The following MPHOSPH9 variants were observed in gnomAD, a reference collection of about 807,000 sequenced individuals.
The protein encoded by MPHOSPH9 is M-phase phosphoprotein 9.
A neutral mutation model predicts 145.5 loss-of-function variants in MPHOSPH9; 88 were observed. That is an observed-to-expected ratio of 0.60 (90% CI 0.51 to 0.72). The LOEUF is 0.72. MPHOSPH9 is among the 30% of genes least tolerant of loss of function. The probability of loss-of-function intolerance (pLI) is 0.00; values close to 1 mark genes in which losing one functional copy is unlikely to be tolerated. For missense variants in MPHOSPH9, 1,238 were observed against 1,386.6 expected, an observed-to-expected ratio of 0.89 and a Z score of 1.70; for synonymous variants, 435 against 486.2, an observed-to-expected ratio of 0.89 and a Z score of 1.39.
rs1190251721 is a variant in MPHOSPH9 at position 123,202,660 on chromosome 12, G to T, written c.1745C>A (p.Ser582Ter). The T allele has an allele frequency of 6.2e-7, 1 of 1,614,024 alleles. No individual in the cohort carries two copies. Among genetic ancestry groups the T allele is most frequent in the South Asian group, 1.1e-5 (1 of 91,070 alleles). The change falls in exon 10 of 24, where the codon TCA (serine) becomes TAA (stop). Residue 582 changes from serine to a stop codon, truncating the protein, a stop_gained. Transcript: ENST00000606320. LOFTEE classifies it high-confidence loss of function. Reference protein sequence around the residue: ...GTANSVPECISLTSLEDPVIL... With the variant: ...GTANSVPECI ...CACAGGATCTTCCAAGGAAGTCAAT[G>T]AAATGCATTCTGGGACACTGTTGGC...
intron 5 of MPHOSPH9, among the ~76,000 whole-genome samples, chr12:123,221,009 T>C (rs890337516): frequency 1.3e-5 from 2 of 152,136 alleles, no homozygotes. Flanking sequence ...GAGCCGAGAT[T>C]GCGCCACTGC....
chr12:123,201,081 A>G (rs572540664), intron 11 of MPHOSPH9, among the ~76,000 whole-genome samples: 35 of 152,264 alleles, frequency 2.3e-4, no homozygotes, highest in Non-Finnish European at 4.4e-4. Flanking sequence ...CTCTTTTTCA[A>G]ATTACTTTTC....
intron 8 of MPHOSPH9, among the ~76,000 whole-genome samples, chr12:123,206,829 G>A (rs1369334271): frequency 4.0e-5 from 6 of 151,714 alleles, no homozygotes; most frequent in Admixed American, 6.6e-5. Context: ...CAGGAGAATC[G>A]CTTGAACCCA....
At chr12:123,167,257 A>C (rs527755886) in intron 16 of MPHOSPH9, among the ~76,000 whole-genome samples, 3 of 152,312 alleles carry the variant, frequency 2.0e-5, no homozygotes, top group Non-Finnish European at 4.4e-5. Context: ...GGCTGCTGAG[A>C]CTGAAGAACC....
At chr12:123,181,528 G>A (rs10846476) in intron 13 of MPHOSPH9, among the ~76,000 whole-genome samples, 7,231 of 151,674 alleles carry the variant, frequency 0.048, 203 homozygotes, top group South Asian at 0.12. Flanking sequence ...GGAACAGAGC[G>A]AGACCTCGTC....
chr12:123,223,516 A>G (rs1626899), intron 3 of MPHOSPH9, among the ~76,000 whole-genome samples: 97,681 of 152,028 alleles, frequency 0.64, 35,866 homozygotes, highest in East Asian at 1. Flanking sequence ...TCCTTTGCTG[A>G]CTACGCACCT....
rs373022320 is a variant in MPHOSPH9, at chr12:123,221,727, T to A, written c.517A>T (p.Thr173Ser). 21 of 1,614,030 alleles carry A rather than the reference T, an allele frequency of 1.3e-5. No homozygotes were observed. The African/African-American group carries it at 2.8e-4, about 22-fold the overall frequency. Residue 173 changes from threonine to serine, a missense_variant, in exon 5 of 24, where the codon ACA becomes TCA. Thr to Ser is a moderately conservative substitution (Grantham distance 58). Coordinates refer to ENST00000606320, the MANE Select transcript of MPHOSPH9 (RefSeq NM_022782.4). ...NESVIHYPES[T>S]EPEIQQEMST... is the part of the protein sequence containing the mutation. The stretch of plus-strand genomic sequence containing the variant: ...ATTTCTTGCTGTATTTCAGGTTCTG[T>A]GGATTCAGGATAATGGATAACAGAT...
intron 1 of MPHOSPH9, among the ~76,000 whole-genome samples, chr12:123,239,163 G>A (rs1247837384): frequency 2.0e-5 from 3 of 152,136 alleles, no homozygotes; most frequent in Non-Finnish European, 2.9e-5. Context: ...CAACTACTCA[G>A]GAGGCTGCGG....
intron 18 of MPHOSPH9, 122 bp from the exon 19 acceptor site, chr12:123,164,212 C>T: frequency 9.4e-7 from 1 of 1,067,780 alleles, no homozygotes; most frequent in Non-Finnish European, 1.4e-6. Context: ...AGCTTAGGTT[C>T]TGCTCAAAGC....
chr12:123,203,079 C>A lies in MPHOSPH9; in HGVS notation c.1326G>T (p.Leu442=), dbSNP rs769421167. ...TCATGTGTAACGTAGGATCTAGAGTCAGGACCTGGAAACCAGACAACAACG... is the reference window on the plus strand; with the variant it reads ...TCATGTGTAACGTAGGATCTAGAGTAAGGACCTGGAAACCAGACAACAACG... ...ASNPNHPPEV[L]TLDPTLHMKP... The change falls in exon 10 of 24, where the codon CTG becomes CTT. Residue 442 remains leucine, a synonymous_variant. Coordinates refer to ENST00000606320, the MANE Select transcript of MPHOSPH9 (RefSeq NM_022782.4). The A allele has an allele frequency of 7.5e-6, 12 of 1,609,666 alleles. No individual in the cohort carries two copies. In the Admixed American group the frequency reaches 1.5e-4, roughly 20 times the overall value.
intron 15 of MPHOSPH9, 100 bp from the exon 16 acceptor site, chr12:123,176,889 G>C: frequency 1.1e-6 from 1 of 912,434 alleles, no homozygotes; most frequent in East Asian, 2.6e-5. Flanking sequence ...AAAATGGGTG[G>C]TAAAAGAGTT....
Position 123,227,738 on chromosome 12 carries a change from C to G in MPHOSPH9, c.105-122G>C, listed in dbSNP as rs916292594. 5 of 783,750 alleles carry G rather than the reference C, an allele frequency of 6.4e-6. No individual in the cohort carries two copies. The African/African-American group carries it at 8.9e-5, about 14-fold the overall frequency. The allele number at this position is 783,750 out of a possible 1,614,324, so 48.5% of individuals were successfully genotyped here. On this transcript the variant is annotated intron_variant, in intron 2 of 23. Transcript: ENST00000606320. Reference sequence around the variant, plus strand: ...TGACATTTAATCCTTCTAATGGCACCTCATTTGTTCAAAATCTGATCACAA... The same window carrying G: ...TGACATTTAATCCTTCTAATGGCACGTCATTTGTTCAAAATCTGATCACAA...
chr12:123,243,661 C>T (rs1381128907), intron 1 of MPHOSPH9, among the ~76,000 whole-genome samples: 2 of 151,938 alleles, frequency 1.3e-5, no homozygotes, highest in Non-Finnish European at 2.9e-5. Context: ...GCCGAGATCG[C>T]GCCACTGTAC....
chr12:123,224,156 A>G (rs2047340481), intron 3 of MPHOSPH9, among the ~76,000 whole-genome samples: 1 of 121,470 alleles, frequency 8.2e-6, no homozygotes, highest in African/African-American at 3.3e-5. Context: ...TTTTTTGGAG[A>G]CAGAGTCTTG....
chr12:123,185,328 T>TA (rs77235176), intron 13 of MPHOSPH9, among the ~76,000 whole-genome samples: 144 of 124,426 alleles, frequency 1.2e-3, no homozygotes, highest in Admixed American at 2.2e-3. Flanking sequence ...TGTTAGAAAC[T>TA]AAAAAAAAAA....
At chr12:123,160,904 C>G in intron 22 of MPHOSPH9, 55 bp from the exon 23 acceptor site, 30 of 1,563,380 alleles carry the variant, frequency 1.9e-5, no homozygotes, top group Non-Finnish European at 2.6e-5. Context: ...GTTTATCACA[C>G]AGAATGGAAA....
intron 11 of MPHOSPH9, among the ~76,000 whole-genome samples, chr12:123,200,977 C>T (rs776450191): frequency 3.9e-5 from 6 of 152,050 alleles, no homozygotes; most frequent in Non-Finnish European, 8.8e-5. Context: ...GCCTTCTAAA[C>T]AAAAACAATA....
At position 123,154,852 on chromosome 12, in the gene MPHOSPH9, G is replaced by C. The variant is rs929669293; in HGVS notation, c.*1955C>G. ...TTTTTTCTAAAGGCTAGAAAACCAA[G>C]AATAAAGAATACCAAGAATAGGCCG... is the stretch of plus-strand genomic sequence containing the variant. On this transcript the variant is annotated 3_prime_UTR_variant, in exon 24 of 24. Coordinates refer to ENST00000606320, the MANE Select transcript of MPHOSPH9 (RefSeq NM_022782.4). The C allele has an allele frequency of 6.6e-6, 1 of 151,694 alleles. No individual in the cohort carries two copies. The highest frequency in any genetic ancestry group is 6.6e-5 in the Admixed American group (1 of 15,228). The allele number at this position is 151,694 out of a possible 1,614,324, so 9.4% of individuals were successfully genotyped here.
intron 13 of MPHOSPH9, among the ~76,000 whole-genome samples, chr12:123,186,726 T>A (rs1361214153): frequency 6.6e-6 from 1 of 152,176 alleles, no homozygotes; most frequent in Non-Finnish European, 1.5e-5. Context: ...TTCATGAGGC[T>A]GAGGCAAGTG....
Sources: gnomAD v4.1 joint callset for allele counts (sites outside exome capture counted in the v4.1 genomes callset) on GRCh38, gnomAD v4.1.1 for gene constraint, MANE v1.5 for transcripts, NCBI Gene and HGNC (gene_info 2026-07-23, HGNC 2026-07-21) for gene names.